The following TOX variants were observed in gnomAD, a reference collection of about 807,000 sequenced individuals.
TOX encodes the protein thymocyte selection-associated high mobility group box protein TOX.
In TOX, 11 loss-of-function variants were observed where a neutral mutation model predicts 53.7. The ratio of observed to expected loss-of-function variants is 0.20; its 90% CI spans 0.13 to 0.34. The LOEUF is 0.34. Ranked by LOEUF, TOX falls within the 10% of genes least tolerant of loss-of-function variation. The pLI is 1.00. For synonymous variants in TOX, 225 were observed against 245.3 expected (o/e 0.92, Z 0.77); for missense variants, 570 against 664.6 (o/e 0.86, Z 1.56).
intron 1 of TOX, among the ~76,000 whole-genome samples, chr8:59,019,956 TA>T (rs1814091006): frequency 6.6e-6 from 1 of 152,234 alleles, no homozygotes; most frequent in Non-Finnish European, 1.5e-5. Context: ...TCTTCAAGAT[TA>T]AATATGAAAT....
intron 3 of TOX, among the ~76,000 whole-genome samples, chr8:58,928,719 C>T (rs964358532): frequency 1.2e-4 from 18 of 152,070 alleles, no homozygotes; most frequent in African/African-American, 2.7e-4. Flanking sequence ...AATAATACAG[C>T]GTTTTTAGCA....
At chr8:58,913,747 G>A (rs943804269) in intron 3 of TOX, among the ~76,000 whole-genome samples, 3 of 138,372 alleles carry the variant, frequency 2.2e-5, no homozygotes, top group African/African-American at 7.8e-5. Flanking sequence ...ATACTTGGAA[G>A]TATAAGAATG....
chr8:58,812,459 G>C (rs984396734), intron 7 of TOX, among the ~76,000 whole-genome samples: 2 of 152,080 alleles, frequency 1.3e-5, no homozygotes, highest in East Asian at 1.9e-4. Flanking sequence ...GGCTGCTGCT[G>C]TCTGTGGGAA....
rs866023687 is a variant in TOX at position 58,998,540 on chromosome 8, A to T, written c.103-38532T>A. On this transcript the variant is annotated intron_variant, in intron 1 of 8. Coordinates refer to ENST00000361421, the MANE Select transcript of TOX (RefSeq NM_014729.3). Reference sequence around the variant, plus strand: ...ATATATATATATATATATATATATAAATTTATATATAATAAATTTATGTAA... The same window carrying T: ...ATATATATATATATATATATATATATATTTATATATAATAAATTTATGTAA... Among the ~76,000 whole-genome samples the T allele has an allele frequency of 4.2e-3, 499 of 117,582 alleles. 15 individuals are homozygous for T. Among genetic ancestry groups the T allele is most frequent in the African/African-American group, 0.018 (475 of 25,800 alleles). 77.1% of individuals were successfully genotyped at this position (117,582 alleles called of 152,430 possible).
At chr8:58,860,915 T>C (rs1810999762) in intron 3 of TOX, among the ~76,000 whole-genome samples, 1 of 152,238 alleles carries the variant, frequency 6.6e-6, no homozygotes, top group Non-Finnish European at 1.5e-5. Context: ...ATCTCTCTTT[T>C]GGATCACAAC....
intron 1 of TOX, among the ~76,000 whole-genome samples, chr8:59,088,533 A>G (rs1804552851): frequency 6.6e-6 from 1 of 152,338 alleles, no homozygotes; most frequent in South Asian, 2.1e-4. Context: ...AAGTTTGGAC[A>G]TCATAGTCCC....
chr8:58,964,465 C>T (rs192413686), intron 1 of TOX, among the ~76,000 whole-genome samples: 126 of 152,232 alleles, frequency 8.3e-4, no homozygotes, highest in Admixed American at 1.9e-3. Flanking sequence ...GTCACAGCTC[C>T]GTCCAACCAC....
At chr8:58,839,769 G>A (rs1012131087) in intron 4 of TOX, among the ~76,000 whole-genome samples, 8 of 152,178 alleles carry the variant, frequency 5.3e-5, no homozygotes, top group African/African-American at 1.7e-4. Context: ...AATGTAATAT[G>A]TATCTTATTT....
chr8:58,895,630 A>G (rs1811631349), intron 3 of TOX, among the ~76,000 whole-genome samples: 1 of 152,152 alleles, frequency 6.6e-6, no homozygotes, highest in African/African-American at 2.4e-5. Flanking sequence ...ATTTTGTCTG[A>G]CCTTCAGAAT....
At chr8:58,852,127 A>G (rs989882970) in intron 3 of TOX, among the ~76,000 whole-genome samples, 1 of 152,060 alleles carries the variant, frequency 6.6e-6, no homozygotes, top group Non-Finnish European at 1.5e-5. Flanking sequence ...ATGTATTTGT[A>G]TATTACAGCA....
chr8:58,924,911 T>G (rs1812128913), intron 3 of TOX, among the ~76,000 whole-genome samples: 1 of 152,202 alleles, frequency 6.6e-6, no homozygotes, highest in South Asian at 2.1e-4. Context: ...CATTTTTCAT[T>G]TTATCTTTTT....
chr8:58,961,591 G>A (rs923656485), intron 1 of TOX, among the ~76,000 whole-genome samples: 1 of 151,512 alleles, frequency 6.6e-6, no homozygotes, highest in African/African-American at 2.4e-5. Context: ...GAAATGGCGC[G>A]ATCGCAGCTC....
chr8:59,077,274 T>C (rs1296051382), intron 1 of TOX, among the ~76,000 whole-genome samples: 2 of 152,228 alleles, frequency 1.3e-5, no homozygotes, highest in Non-Finnish European at 2.9e-5. Context: ...ATGAACACAC[T>C]ACTTCCTAAC....
At chr8:58,867,028 C>A (rs1468873991) in intron 3 of TOX, among the ~76,000 whole-genome samples, 1 of 152,054 alleles carries the variant, frequency 6.6e-6, no homozygotes, top group Non-Finnish European at 1.5e-5. Context: ...AAGTTTAGAG[C>A]CTATTATAGG....
intron 1 of TOX, among the ~76,000 whole-genome samples, chr8:59,101,903 C>T (rs976639935): frequency 6.6e-6 from 1 of 152,190 alleles, no homozygotes; most frequent in African/African-American, 2.4e-5. Flanking sequence ...CCTGCCAAAC[C>T]AAAGCTACTG....
At position 58,970,150 on chromosome 8, in the gene TOX, A is replaced by C. The variant is rs1292165971; in HGVS notation, c.103-10142T>G. Among the ~76,000 whole-genome samples, 3 of 152,194 alleles carry C rather than the reference A, an allele frequency of 2.0e-5. No homozygotes were observed. The East Asian group carries it at 5.8e-4, about 29-fold the overall frequency. On this transcript the variant is annotated intron_variant, in intron 1 of 8. Transcript: ENST00000361421. The stretch of plus-strand genomic sequence containing the variant: ...TGCATTAACTCATTTAATCCTCACA[A>C]CAACCCCACAGTCAGTCAGTTTCCA...
intron 3 of TOX, among the ~76,000 whole-genome samples, chr8:58,877,990 G>A (rs1235852255): frequency 6.6e-6 from 1 of 152,112 alleles, no homozygotes; most frequent in Non-Finnish European, 1.5e-5. Flanking sequence ...CACAGTGACA[G>A]AATCAAACAC....
At chr8:58,863,591 T>G (rs1811046169) in intron 3 of TOX, among the ~76,000 whole-genome samples, 1 of 152,158 alleles carries the variant, frequency 6.6e-6, no homozygotes, top group Non-Finnish European at 1.5e-5. Context: ...ACTGTACTAT[T>G]GACTCAGTGT....
intron 5 of TOX, among the ~76,000 whole-genome samples, chr8:58,832,506 T>C (rs1047673230): frequency 3.5e-4 from 54 of 152,192 alleles, no homozygotes; most frequent in African/African-American, 1.3e-3. Flanking sequence ...TATCAGAAGA[T>C]AAAGGGGAAA....
Sources: allele counts gnomAD v4.1 joint callset (sites outside exome capture counted in the v4.1 genomes callset), GRCh38; gene constraint gnomAD v4.1.1; transcripts MANE v1.5; gene names NCBI Gene and HGNC (gene_info 2026-07-23, HGNC 2026-07-21).